The following UBE2H variants were observed in gnomAD, a reference collection of about 807,000 sequenced individuals.
UBE2H encodes the protein ubiquitin conjugating enzyme E2 H.
A neutral mutation model predicts 29.0 loss-of-function variants in UBE2H; 3 were observed. The observed-to-expected ratio is 0.10, with a 90% CI of 0.05 to 0.27. UBE2H has a LOEUF of 0.27. UBE2H is among the 10% of genes least tolerant of loss of function. The pLI is 1.00. For missense variants in UBE2H, 68 were observed against 228.2 expected (o/e 0.30, Z 4.52); for synonymous variants, 69 against 82.9 (o/e 0.83, Z 0.91).
At chr7:129,934,638 T>TAA (rs758214225) in intron 1 of UBE2H, among the ~76,000 whole-genome samples, 76 of 65,716 alleles carry the variant, frequency 1.2e-3, no homozygotes, top group Middle Eastern at 0.01. Flanking sequence ...ACTCCGTCTT[T>TAA]AAAAAAAAAA....
At chr7:129,889,528 G>A (rs756352644) in intron 1 of UBE2H, among the ~76,000 whole-genome samples, 1 of 152,164 alleles carries the variant, frequency 6.6e-6, no homozygotes, top group African/African-American at 2.4e-5. Context: ...CTCTCAGTGA[G>A]GCCTTCTGGG....
At chr7:129,872,075 G>A (rs995720864) in intron 3 of UBE2H, among the ~76,000 whole-genome samples, 1 of 152,046 alleles carries the variant, frequency 6.6e-6, no homozygotes, top group African/African-American at 2.4e-5. Flanking sequence ...GGCTGGTCTC[G>A]AACTCCTGGC....
chr7:129,858,503 CTGAAA>C (rs901432373), intron 4 of UBE2H, among the ~76,000 whole-genome samples: 3 of 152,102 alleles, frequency 2.0e-5, no homozygotes, highest in Admixed American at 6.5e-5. Context: ...GATTCATTAA[CTGAAA>C]TGAAACTATA....
intron 3 of UBE2H, among the ~76,000 whole-genome samples, chr7:129,879,213 T>C (rs576188887): frequency 1.1e-4 from 17 of 152,202 alleles, no homozygotes; most frequent in Non-Finnish European, 2.5e-4. Context: ...TTAAAACACA[T>C]ACTATGTAAC....
chr7:129,886,384 TA>T, intron 1 of UBE2H, among the ~76,000 whole-genome samples: 1 of 152,306 alleles, frequency 6.6e-6, no homozygotes, highest in Non-Finnish European at 1.5e-5. Context: ...TGTCAAGAGA[TA>T]AATGACATTC....
intron 3 of UBE2H, 40 bp from the exon 4 acceptor site, chr7:129,858,981 G>A (rs754859077): frequency 1.3e-6 from 2 of 1,541,440 alleles, no homozygotes; most frequent in South Asian, 2.3e-5. Flanking sequence ...AAAGTATCCA[G>A]AGAACAATAA....
intron 3 of UBE2H, among the ~76,000 whole-genome samples, chr7:129,871,486 AG>A (rs1306656611): frequency 1.3e-5 from 2 of 152,182 alleles, no homozygotes; most frequent in African/African-American, 2.4e-5. Context: ...AGGCCAAGGC[AG>A]GCAGATCACC....
chr7:129,946,589 T>C (rs898305624), intron 1 of UBE2H, among the ~76,000 whole-genome samples: 1 of 152,092 alleles, frequency 6.6e-6, no homozygotes, highest in African/African-American at 2.4e-5. Flanking sequence ...CCCAATGAAT[T>C]AGAAAACTCC....
At chr7:129,847,424 G>T (rs1447185538) in intron 5 of UBE2H, among the ~76,000 whole-genome samples, 1 of 152,112 alleles carries the variant, frequency 6.6e-6, no homozygotes, top group Non-Finnish European at 1.5e-5. Flanking sequence ...AAGGAGGGAG[G>T]ATCACTAGAG....
intron 1 of UBE2H, among the ~76,000 whole-genome samples, chr7:129,901,796 A>C (rs1806722159): frequency 6.6e-6 from 1 of 152,062 alleles, no homozygotes; most frequent in Non-Finnish European, 1.5e-5. Flanking sequence ...AGGTTTCACC[A>C]TGTTGGCCAG....
At chr7:129,929,405 C>T (rs563242185) in intron 1 of UBE2H, among the ~76,000 whole-genome samples, 1 of 152,070 alleles carries the variant, frequency 6.6e-6, no homozygotes, top group South Asian at 2.1e-4. Context: ...GTTTCCTTCT[C>T]CTCTCCACAC....
At chr7:129,893,366 A>T (rs182553926) in intron 1 of UBE2H, among the ~76,000 whole-genome samples, 3 of 152,210 alleles carry the variant, frequency 2.0e-5, no homozygotes, top group African/African-American at 7.2e-5. Flanking sequence ...AGAGTAAAAA[A>T]TTTTCAAAGA....
chr7:129,902,147 G>T (rs1433871118), intron 1 of UBE2H, among the ~76,000 whole-genome samples: 1 of 152,194 alleles, frequency 6.6e-6, no homozygotes, highest in African/African-American at 2.4e-5. Flanking sequence ...ATAAAAAAAT[G>T]TAACTTTAGA....
intron 5 of UBE2H, among the ~76,000 whole-genome samples, chr7:129,855,759 T>C (rs1805693264): frequency 6.6e-6 from 1 of 152,152 alleles, no homozygotes; most frequent in South Asian, 2.1e-4. Context: ...TAGCCAGGCA[T>C]GGTAGTATGC....
chr7:129,847,526 T>C (rs1016854854), intron 5 of UBE2H, among the ~76,000 whole-genome samples: 3 of 151,386 alleles, frequency 2.0e-5, no homozygotes, highest in Non-Finnish European at 3.0e-5. Context: ...TTTTTTTTTT[T>C]CCAGAGACAA....
chr7:129,833,923 T>C lies in UBE2H; in HGVS notation c.*1014A>G, dbSNP rs1805275942. ...ACGTGGGTCGTCTTCTCAAGTCTAA[T>C]GGTCCATGAGCGGCTTGTCCAAGGA... On this transcript the variant is annotated 3_prime_UTR_variant, in exon 7 of 7. Transcript: ENST00000355621. 1 of 152,092 alleles carries C rather than the reference T, an allele frequency of 6.6e-6. No individual in the cohort carries two copies. Among genetic ancestry groups the C allele is most frequent in the Non-Finnish European group, 1.5e-5 (1 of 68,032 alleles). The allele number at this position is 152,092 out of a possible 1,614,324, so 9.4% of individuals were successfully genotyped here. A position where few individuals can be genotyped will look rare whatever the true frequency, so the allele number is the denominator to read the frequency against.
intron 6 of UBE2H, among the ~76,000 whole-genome samples, chr7:129,838,999 G>A (rs1360113989): frequency 6.6e-6 from 1 of 152,128 alleles, no homozygotes; most frequent in African/African-American, 2.4e-5. Flanking sequence ...TTTTAAGGAT[G>A]GGAAAATAGG....
intron 1 of UBE2H, among the ~76,000 whole-genome samples, chr7:129,891,697 G>A (rs1242633739): frequency 6.6e-6 from 1 of 151,778 alleles, no homozygotes; most frequent in African/African-American, 2.4e-5. Flanking sequence ...AGCTACTTGG[G>A]AGGCTAACAC....
intron 1 of UBE2H, among the ~76,000 whole-genome samples, chr7:129,907,187 A>G (rs1806835572): frequency 6.6e-6 from 1 of 152,064 alleles, no homozygotes; most frequent in South Asian, 2.1e-4. Flanking sequence ...TTCCTACCCC[A>G]TCATAGTTTA....
Sources: allele counts gnomAD v4.1 joint callset (sites outside exome capture counted in the v4.1 genomes callset), GRCh38; gene constraint gnomAD v4.1.1; transcripts MANE v1.5; gene names NCBI Gene and HGNC (gene_info 2026-07-23, HGNC 2026-07-21).